Variants in MBD5 observed in about 807,000 individuals in gnomAD.
MBD5 encodes methyl-CpG-binding domain protein 5.
In MBD5, 13 loss-of-function variants were observed where a neutral mutation model predicts 117.3. The ratio of observed to expected loss-of-function variants is 0.11; its 90% CI spans 0.07 to 0.18. The LOEUF is 0.18. MBD5 is among the 10% of genes least tolerant of loss of function. The pLI is 1.00. For synonymous variants in MBD5, 727 were observed against 766.4 expected (o/e 0.95, Z 0.85); for missense variants, 1,879 against 2,093.8 (o/e 0.90, Z 2.00).
At chr2:148,167,310 C>A (rs1258412841) in intron 1 of MBD5, among the ~76,000 whole-genome samples, 1 of 152,052 alleles carries the variant, frequency 6.6e-6, no homozygotes, top group Non-Finnish European at 1.5e-5. Context: ...CATTAGTCTA[C>A]CATATCTTGT....
intron 3 of MBD5, among the ~76,000 whole-genome samples, chr2:148,306,517 T>C (rs1701899990): frequency 6.6e-6 from 1 of 152,158 alleles, no homozygotes; most frequent in South Asian, 2.1e-4. Context: ...ATAGTATCCA[T>C]ATTTTGGAGA....
At chr2:148,268,628 A>T (rs940695568) in intron 3 of MBD5, among the ~76,000 whole-genome samples, 6 of 151,558 alleles carry the variant, frequency 4.0e-5, no homozygotes, top group African/African-American at 1.5e-4. Context: ...ATTCTTACAG[A>T]ATTATGTTAA....
intron 1 of MBD5, among the ~76,000 whole-genome samples, chr2:148,154,699 G>T (rs1697816687): frequency 6.6e-6 from 1 of 152,120 alleles, no homozygotes. Flanking sequence ...GATTTTCCAG[G>T]TGTGTCCGTC....
chr2:148,049,441 A>G (rs1000564981), intron 1 of MBD5, among the ~76,000 whole-genome samples: 1 of 152,212 alleles, frequency 6.6e-6, no homozygotes, highest in Non-Finnish European at 1.5e-5. Context: ...CTTTTGAACA[A>G]GAAAGCAAAC....
intron 4 of MBD5, among the ~76,000 whole-genome samples, chr2:148,365,811 A>G (rs1019492333): frequency 1.3e-5 from 2 of 152,054 alleles, no homozygotes; most frequent in Non-Finnish European, 2.9e-5. Context: ...ACCAATAAAA[A>G]GTTCTGAAGT....
rs1173379600 is a variant in MBD5, at chr2:148,064,385, G to T, written c.-925+42701G>T. Among the ~76,000 whole-genome samples, 4 of 151,612 alleles carry T rather than the reference G, an allele frequency of 2.6e-5. No individual in the cohort carries two copies. The East Asian group carries it at 7.8e-4, about 30-fold the overall frequency. On this transcript the variant is annotated intron_variant, in intron 1 of 13. Coordinates refer to ENST00000642680, the MANE Select transcript of MBD5 (RefSeq NM_001378120.1). The stretch of plus-strand genomic sequence containing the variant: ...TCGCCTCGGCCTCCCAAAGTGCTGG[G>T]ACCACAGGCGTGAGCCACCGCGCCC...
intron 3 of MBD5, among the ~76,000 whole-genome samples, chr2:148,299,328 C>T (rs1701728635): frequency 6.6e-6 from 1 of 152,000 alleles, no homozygotes; most frequent in South Asian, 2.1e-4. Flanking sequence ...GGTTTCCTCC[C>T]TGTTGGTCAG....
At chr2:148,245,107 T>G (rs925084296) in intron 3 of MBD5, among the ~76,000 whole-genome samples, 3 of 152,196 alleles carry the variant, frequency 2.0e-5, no homozygotes, top group Non-Finnish European at 4.4e-5. Flanking sequence ...ACTTAGAAGT[T>G]AAGCACTGTG....
chr2:148,356,772 C>T (rs1029851379), intron 4 of MBD5, among the ~76,000 whole-genome samples: 2 of 152,076 alleles, frequency 1.3e-5, no homozygotes, highest in Non-Finnish European at 2.9e-5. Flanking sequence ...TTTCTTCCCC[C>T]TTTTCCTTGG....
intron 2 of MBD5, among the ~76,000 whole-genome samples, chr2:148,213,736 C>T (rs1441283598): frequency 6.6e-6 from 1 of 152,128 alleles, no homozygotes; most frequent in East Asian, 1.9e-4. Flanking sequence ...CCCCTTTTAA[C>T]TACATAAATA....
chr2:148,067,819 T>G (rs2105052001), intron 1 of MBD5, among the ~76,000 whole-genome samples: 1 of 152,374 alleles, frequency 6.6e-6, no homozygotes, highest in East Asian at 1.9e-4. Flanking sequence ...TTGCCCTGTG[T>G]GGGCAAAAGT....
intron 4 of MBD5, among the ~76,000 whole-genome samples, chr2:148,425,737 C>A (rs1482866202): frequency 6.6e-6 from 1 of 152,146 alleles, no homozygotes; most frequent in East Asian, 1.9e-4. Flanking sequence ...TCAACATGTG[C>A]AAATCAATAA....
intron 1 of MBD5, among the ~76,000 whole-genome samples, chr2:148,177,449 T>G (rs2105833889): frequency 1.3e-5 from 2 of 152,370 alleles, no homozygotes; most frequent in Middle Eastern, 6.8e-3. Context: ...TGCATCATGC[T>G]TGCATCCTTG....
chr2:148,376,835 A>ATAT (rs1553507410), intron 4 of MBD5, among the ~76,000 whole-genome samples: 7 of 135,004 alleles, frequency 5.2e-5, no homozygotes, highest in East Asian at 4.0e-4. Flanking sequence ...TATATATAAC[A>ATAT]TATATATAAT....
Position 148,516,735 on chromosome 2 carries a change from A to G in MBD5, c.*3794A>G, listed in dbSNP as rs1682350049. 3 of 152,254 alleles carry G rather than the reference A, an allele frequency of 2.0e-5. No individual in the cohort carries two copies. Among genetic ancestry groups the G allele is most frequent in the African/African-American group, 7.2e-5 (3 of 41,480 alleles). 9.4% of individuals were successfully genotyped at this position (152,254 alleles called of 1,614,324 possible). On this transcript the variant is annotated 3_prime_UTR_variant, in exon 14 of 14. Coordinates refer to ENST00000642680, the MANE Select transcript of MBD5 (RefSeq NM_001378120.1). The stretch of plus-strand genomic sequence containing the variant: ...CATTATCTTCAAATATGAAAGATTA[A>G]TTTGTATCTACTGTAAATATGTATT...
intron 2 of MBD5, among the ~76,000 whole-genome samples, chr2:148,220,454 A>T (rs1437607414): frequency 2.6e-5 from 4 of 152,174 alleles, no homozygotes; most frequent in Non-Finnish European, 5.9e-5. Flanking sequence ...GAAATTAACA[A>T]ATTAATAAGT....
At chr2:148,408,743 A>T (rs192813182) in intron 4 of MBD5, among the ~76,000 whole-genome samples, 1 of 152,270 alleles carries the variant, frequency 6.6e-6, no homozygotes, top group East Asian at 1.9e-4. Context: ...GTATCTGAGG[A>T]TTCTACATCC....
chr2:148,374,896 T>C (rs1703952753), intron 4 of MBD5, among the ~76,000 whole-genome samples: 2 of 152,210 alleles, frequency 1.3e-5, no homozygotes, highest in South Asian at 4.1e-4. Flanking sequence ...CTATGTATGC[T>C]TTTTTCTTAA....
chr2:148,048,464 A>G (rs1175542976), intron 1 of MBD5, among the ~76,000 whole-genome samples: 2 of 152,200 alleles, frequency 1.3e-5, no homozygotes, highest in African/African-American at 4.8e-5. Flanking sequence ...ATAATAATAC[A>G]ACCTGGCAAA....
Sources: allele counts gnomAD v4.1 joint callset (sites outside exome capture counted in the v4.1 genomes callset), GRCh38; gene constraint gnomAD v4.1.1; transcripts MANE v1.5; gene names NCBI Gene and HGNC (gene_info 2026-07-23, HGNC 2026-07-21).